TTLL5: variants seen among roughly 807,000 people sequenced by gnomAD.
The protein encoded by TTLL5 is tubulin polyglutamylase TTLL5.
Under a neutral mutation model 168.4 loss-of-function variants are expected in TTLL5, and 132 were observed. That is an observed-to-expected ratio of 0.78 (90% CI 0.68 to 0.91). The LOEUF is 0.91. Among genes scored for constraint, TTLL5 ranks in the 40% least tolerant of loss-of-function variants. The probability of loss-of-function intolerance (pLI) is 0.00; values close to 1 mark genes in which losing one functional copy is unlikely to be tolerated. For synonymous variants in TTLL5, 546 were observed against 558.6 expected, an observed-to-expected ratio of 0.98 and a Z score of 0.32; for missense variants, 1,545 against 1,581.5, an observed-to-expected ratio of 0.98 and a Z score of 0.39.
intron 9 of TTLL5, 127 bp from the exon 10 acceptor site, chr14:75,717,734 G>C: frequency 1.2e-6 from 1 of 808,914 alleles, no homozygotes; most frequent in Non-Finnish European, 2.0e-6. Flanking sequence ...TTAGCACTTA[G>C]TAGGCACTTG....
intron 28 of TTLL5, among the ~76,000 whole-genome samples, chr14:75,841,022 G>A (rs888729171): frequency 6.6e-6 from 1 of 152,158 alleles, no homozygotes; most frequent in Admixed American, 6.5e-5. Context: ...GGCAAGAAAC[G>A]GGAGATCCCA....
intron 18 of TTLL5, among the ~76,000 whole-genome samples, chr14:75,760,819 T>G (rs1890589096): frequency 6.6e-6 from 1 of 152,100 alleles, no homozygotes; most frequent in Admixed American, 6.5e-5. Flanking sequence ...GAAGAAAACA[T>G]AATATCTTTG....
chr14:75,846,427 AAAGCATATGGTTTAAT>A (rs1204523889), intron 28 of TTLL5, among the ~76,000 whole-genome samples: 1 of 152,210 alleles, frequency 6.6e-6, no homozygotes, highest in African/African-American at 2.4e-5. Flanking sequence ...TATGGTTTAA[AAAGCATATGGTTTAAT>A]AGTTACAGTA....
intron 31 of TTLL5, among the ~76,000 whole-genome samples, chr14:75,925,704 C>T (rs1422354090): frequency 2.6e-5 from 4 of 151,900 alleles, no homozygotes; most frequent in Non-Finnish European, 4.4e-5. Flanking sequence ...GCAGGCGGCT[C>T]GGAGGTGGAG....
intron 15 of TTLL5, among the ~76,000 whole-genome samples, chr14:75,735,949 C>T (rs1221765380): frequency 1.3e-5 from 2 of 152,010 alleles, no homozygotes; most frequent in African/African-American, 2.4e-5. Flanking sequence ...TGGCCTTTAA[C>T]ATTTCTTCTT....
chr14:75,928,342 C>CACATATATATATATATATATATATATAT (rs2034146372), intron 31 of TTLL5, among the ~76,000 whole-genome samples: 3 of 81,998 alleles, frequency 3.7e-5, no homozygotes, highest in Admixed American at 1.3e-4. Flanking sequence ...ATGACAAAAA[C>CACATATATATATATATATATATATATAT]ATATATATAT....
chr14:75,771,366 T>A (rs1303206014), intron 20 of TTLL5, among the ~76,000 whole-genome samples: 1 of 152,106 alleles, frequency 6.6e-6, no homozygotes, highest in Non-Finnish European at 1.5e-5. Context: ...GGATGGAGGT[T>A]GCGGTGAGCT....
At chr14:75,872,676 G>A (rs956926477) in intron 29 of TTLL5, among the ~76,000 whole-genome samples, 7 of 152,096 alleles carry the variant, frequency 4.6e-5, no homozygotes, top group Admixed American at 1.3e-4. Flanking sequence ...ATGGGAGGCT[G>A]AGATGGATGA....
intron 28 of TTLL5, among the ~76,000 whole-genome samples, chr14:75,849,024 G>A (rs190945058): frequency 2.0e-5 from 3 of 152,342 alleles, no homozygotes; most frequent in Admixed American, 1.3e-4. Context: ...GTCAGGTCCA[G>A]CTGGCTGGAA....
At chr14:75,677,946 C>T (rs556606562) in intron 3 of TTLL5, among the ~76,000 whole-genome samples, 14 of 152,138 alleles carry the variant, frequency 9.2e-5, no homozygotes, top group East Asian at 7.7e-4. Flanking sequence ...TATTATTCCC[C>T]CTTGTCTCTT....
chr14:75,837,884 C>G lies in TTLL5; in HGVS notation c.3326+17723C>G, dbSNP rs564386597. Reference sequence around the variant, plus strand: ...GAGTGTGTGTGTGTATATATGTATACACACCCATACACACACACTACATTT... The same window carrying G: ...GAGTGTGTGTGTGTATATATGTATAGACACCCATACACACACACTACATTT... On this transcript the variant is annotated intron_variant, in intron 28 of 31. Coordinates refer to ENST00000298832, the MANE Select transcript of TTLL5 (RefSeq NM_015072.5). Among the ~76,000 whole-genome samples the G allele has an allele frequency of 2.0e-5, 3 of 151,700 alleles. No individual in the cohort carries two copies. The South Asian group carries it at 6.2e-4, about 31-fold the overall frequency.
chr14:75,716,026 A>G (rs1333038863), intron 9 of TTLL5, among the ~76,000 whole-genome samples: 1 of 152,090 alleles, frequency 6.6e-6, no homozygotes, highest in African/African-American at 2.4e-5. Context: ...AGGGGAGAGG[A>G]TGACAGGAGG....
intron 31 of TTLL5, among the ~76,000 whole-genome samples, chr14:75,914,033 A>AAAAAAAAAAATATATAT: frequency 5.6e-5 from 4 of 71,094 alleles, no homozygotes; most frequent in East Asian, 4.4e-4. Context: ...AAAAAAAAAA[A>AAAAAAAAAAATATATAT]ATATATATAT....
chr14:75,892,153 T>G (rs1284045270), intron 30 of TTLL5, among the ~76,000 whole-genome samples: 1 of 152,158 alleles, frequency 6.6e-6, no homozygotes, highest in Non-Finnish European at 1.5e-5. Flanking sequence ...AAGAAAAAAT[T>G]AGATTTGGAG....
chr14:75,773,949 G>GAGAGAGAGAAAGAGAGAA (rs1555344552), intron 21 of TTLL5, among the ~76,000 whole-genome samples: 1 of 46,338 alleles, frequency 2.2e-5, no homozygotes, highest in African/African-American at 7.9e-5. Context: ...GAGAGAGAGA[G>GAGAGAGAGAAAGAGAGAA]AGAGAGAAAG....
intron 11 of TTLL5, among the ~76,000 whole-genome samples, chr14:75,720,314 C>A (rs1413332247): frequency 1.3e-5 from 2 of 152,108 alleles, no homozygotes; most frequent in African/African-American, 4.8e-5. Flanking sequence ...GGGAAAGGGT[C>A]ATAGGGGAAG....
chr14:75,748,892 C>T (rs1434547397), intron 17 of TTLL5, among the ~76,000 whole-genome samples: 1 of 152,140 alleles, frequency 6.6e-6, no homozygotes, highest in Non-Finnish European at 1.5e-5. Flanking sequence ...AGGCAACACA[C>T]TTTCTTCCTC....
intron 31 of TTLL5, among the ~76,000 whole-genome samples, chr14:75,924,228 G>T (rs1235778639): frequency 1.3e-5 from 2 of 150,146 alleles, no homozygotes; most frequent in South Asian, 2.1e-4. Flanking sequence ...TACATTTAAC[G>T]TTAATATTGT....
intron 3 of TTLL5, among the ~76,000 whole-genome samples, chr14:75,670,208 CT>C (rs896565332): frequency 9.3e-5 from 14 of 150,852 alleles, no homozygotes; most frequent in African/African-American, 3.2e-4. Flanking sequence ...TTGTTTCCAC[CT>C]TTTTTTTTAA....
Sources: allele counts gnomAD v4.1 joint callset (sites outside exome capture counted in the v4.1 genomes callset), GRCh38; gene constraint gnomAD v4.1.1; transcripts MANE v1.5; gene names NCBI Gene and HGNC (gene_info 2026-07-23, HGNC 2026-07-21).